Variants in A4GALT observed in about 807,000 individuals in gnomAD.
A4GALT encodes lactosylceramide 4-alpha-galactosyltransferase.
For synonymous variants in A4GALT, 257 were observed against 220.7 expected (o/e 1.16, Z -1.46); for missense variants, 512 against 486.0 (o/e 1.05, Z -0.50).
chr22:42,712,657 C>G (rs1989502), intron 1 of A4GALT, among the ~76,000 whole-genome samples: 52,354 of 151,974 alleles, frequency 0.34, 10,138 homozygotes, highest in South Asian at 0.45. Flanking sequence ...ACCTGTAATC[C>G]CAGCACTTTG....
At chr22:42,718,353 C>A (rs1922378037) in intron 1 of A4GALT, 1 of 152,204 alleles carries the variant, frequency 6.6e-6, no homozygotes, top group South Asian at 2.1e-4. Flanking sequence ...TCTCTGCCTC[C>A]CAGGTTCAAA....
chr22:42,704,064 C>G (rs1920950526), intron 1 of A4GALT, among the ~76,000 whole-genome samples: 1 of 152,166 alleles, frequency 6.6e-6, no homozygotes, highest in Non-Finnish European at 1.5e-5. Context: ...CCAAACCCTG[C>G]TTGGAGGACC....
chr22:42,714,704 G>A (rs547684413), intron 1 of A4GALT, among the ~76,000 whole-genome samples: 17 of 152,214 alleles, frequency 1.1e-4, no homozygotes, highest in African/African-American at 4.1e-4. Context: ...AGGAGGCGGA[G>A]GTTGCAGTGA....
At chr22:42,709,969 C>T (rs1569061166) in intron 1 of A4GALT, among the ~76,000 whole-genome samples, 1 of 151,938 alleles carries the variant, frequency 6.6e-6, no homozygotes, top group Non-Finnish European at 1.5e-5. Context: ...ACAAAGTAGC[C>T]AACACTTAGT....
At chr22:42,707,241 A>C (rs1921225920) in intron 1 of A4GALT, among the ~76,000 whole-genome samples, 1 of 152,226 alleles carries the variant, frequency 6.6e-6, no homozygotes, top group South Asian at 2.1e-4. Flanking sequence ...AGAAAATGTC[A>C]ATAACATCCA....
chr22:42,721,062 G>A, upstream of A4GALT: 1 of 152,164 alleles, frequency 6.6e-6, no homozygotes. Flanking sequence ...CCGGCCAACA[G>A]GTAGGGAGCG....
In A4GALT at chr22:42,694,593, C is replaced by T. The variant is rs117648338; in HGVS notation, c.-46-596G>A. 821 of 152,994 alleles carry T rather than the reference C, an allele frequency of 5.4e-3. 5 individuals carry two copies. Among genetic ancestry groups the T allele is most frequent in the Non-Finnish European group, 9.5e-3 (647 of 68,448 alleles). The allele number at this position is 152,994 out of a possible 1,614,324, so 9.5% of individuals were successfully genotyped here. ...GCTGACTGGTACTACTGCCATTAGA[C>T]CTCTCTTTCCTGGTGGCCAGGAACA... is the stretch of plus-strand genomic sequence containing the variant. On this transcript the variant is annotated intron_variant, in intron 2 of 2. Transcript: ENST00000642412.
chr22:42,694,255 G>A (rs967680567), intron 2 of A4GALT, among the ~76,000 whole-genome samples: 10 of 152,274 alleles, frequency 6.6e-5, no homozygotes, highest in Non-Finnish European at 1.5e-4. Flanking sequence ...CCAAGGACCA[G>A]GCCAGTGCCA....
chr22:42,704,923 C>G (rs1007466209), intron 1 of A4GALT, among the ~76,000 whole-genome samples: 2 of 151,828 alleles, frequency 1.3e-5, no homozygotes, highest in African/African-American at 4.8e-5. Context: ...GTGGAAGACC[C>G]CAGAAAAGGC....
intron 1 of A4GALT, chr22:42,718,304 C>T (rs1177487264): frequency 6.6e-6 from 1 of 152,240 alleles, no homozygotes; most frequent in Non-Finnish European, 1.5e-5. Flanking sequence ...CTCTGTTGCT[C>T]AGGCTGGAGT....
At position 42,693,455 on chromosome 22, in the gene A4GALT, CAGCGCCCCTGCACG is replaced by C; in HGVS notation, c.483_496del (p.Val162GlyfsTer116). ...GAGCACGGGCAGCAGGTAGGGCTCC[CAGCGCCCCTGCACG>C]GCCGCGTACCAGTCGGCCAGGGGTG... On this transcript the variant is annotated frameshift_variant, in exon 3 of 3. Coordinates refer to ENST00000642412, the MANE Select transcript of A4GALT (RefSeq NM_017436.7). LOFTEE classifies it low-confidence loss of function (END_TRUNC). The C allele has an allele frequency of 6.2e-7, 1 of 1,613,196 alleles. No homozygotes were observed. The highest frequency in any genetic ancestry group is 8.5e-7 in the Non-Finnish European group (1 of 1,179,978).
intron 1 of A4GALT, among the ~76,000 whole-genome samples, chr22:42,713,747 G>C (rs1014931623): frequency 6.6e-6 from 1 of 151,524 alleles, no homozygotes; most frequent in Non-Finnish European, 1.5e-5. Flanking sequence ...AGGAGGTGGC[G>C]GTTGCAGTGA....
intron 1 of A4GALT, among the ~76,000 whole-genome samples, chr22:42,709,285 C>T (rs1335083070): frequency 6.7e-6 from 1 of 148,790 alleles, no homozygotes; most frequent in Non-Finnish European, 1.5e-5. Flanking sequence ...TTCCTAGGCT[C>T]CCACCTGCCT....
intron 1 of A4GALT, among the ~76,000 whole-genome samples, chr22:42,699,407 G>T (rs1569040994): frequency 6.6e-6 from 1 of 152,114 alleles, no homozygotes; most frequent in Non-Finnish European, 1.5e-5. Context: ...TAGTAAACTT[G>T]CTTTCACTTT....
chr22:42,704,871 G>T (rs1354364208), intron 1 of A4GALT, among the ~76,000 whole-genome samples: 2 of 23,966 alleles, frequency 8.3e-5, no homozygotes, highest in South Asian at 7.6e-3. Flanking sequence ...CATGGCAATG[G>T]GGGGGGGCGG....
intron 1 of A4GALT, among the ~76,000 whole-genome samples, chr22:42,706,216 G>T (rs547367266): frequency 6.7e-6 from 1 of 149,732 alleles, no homozygotes; most frequent in African/African-American, 2.5e-5. Flanking sequence ...TTAGCCAGGC[G>T]TGGTGGCGGG....
chr22:42,711,479 A>C (rs1276463286), intron 1 of A4GALT, among the ~76,000 whole-genome samples: 2 of 152,186 alleles, frequency 1.3e-5, no homozygotes, highest in Non-Finnish European at 2.9e-5. Flanking sequence ...AAACAACCCA[A>C]GGTCTTTCTT....
At chr22:42,718,024 C>T (rs1922345328) in intron 1 of A4GALT, among the ~76,000 whole-genome samples, 1 of 152,118 alleles carries the variant, frequency 6.6e-6, no homozygotes, top group Non-Finnish European at 1.5e-5. Flanking sequence ...AATTCCTTCC[C>T]AGGAAAGATG....
In A4GALT at chr22:42,693,214, C is replaced by A; in HGVS notation, c.738G>T (p.Trp246Cys). 4 of 1,605,912 alleles carry A rather than the reference C, an allele frequency of 2.5e-6. No individual in the cohort carries two copies. Among genetic ancestry groups the A allele is most frequent in the Non-Finnish European group, 3.4e-6 (4 of 1,177,082 alleles). The change falls in exon 3 of 3, where the codon TGG becomes TGT. Residue 246 changes from tryptophan (W) to cysteine (C), a missense_variant. By Grantham distance (215) the Trp-to-Cys change is radical. Coordinates refer to ENST00000642412, the MANE Select transcript of A4GALT (RefSeq NM_017436.7). Reference protein sequence around the residue: ...DFVDHYNGWIWGHQGPQLLTR... With the variant: ...DFVDHYNGWICGHQGPQLLTR... ...TGAGCAGCTGCGGGCCCTGGTGACCCCAGATCCAGCCGTTGTAGTGGTCCA... is the reference window on the plus strand; with the variant it reads ...TGAGCAGCTGCGGGCCCTGGTGACCACAGATCCAGCCGTTGTAGTGGTCCA...
Sources: gnomAD v4.1 joint callset for allele counts (sites outside exome capture counted in the v4.1 genomes callset) on GRCh38, gnomAD v4.1.1 for gene constraint, MANE v1.5 for transcripts, NCBI Gene and HGNC (gene_info 2026-07-23, HGNC 2026-07-21) for gene names.